The following TNFSF8 variants were observed in gnomAD, a reference collection of about 807,000 sequenced individuals.
The protein encoded by TNFSF8 is TNF superfamily member 8, also known as tumor necrosis factor ligand superfamily member 8.
In TNFSF8, 4 loss-of-function variants were observed where a neutral mutation model predicts 22.0. The ratio of observed to expected loss-of-function variants is 0.18; its 90% confidence interval spans 0.09 to 0.42. The LOEUF is 0.42. Ranked by LOEUF, TNFSF8 falls within the 10% of genes least tolerant of loss-of-function variation. The pLI, the probability that TNFSF8 is intolerant of heterozygous loss-of-function variation, is 1.00. For missense variants in TNFSF8, 233 were observed against 281.8 expected, an observed-to-expected ratio of 0.83 and a Z score of 1.24; for synonymous variants, 106 against 112.5, an observed-to-expected ratio of 0.94 and a Z score of 0.37.
chr9:114,929,667 G>C (rs1384177317), intron 1 of TNFSF8, among the ~76,000 whole-genome samples: 3 of 151,928 alleles, frequency 2.0e-5, no homozygotes, highest in Non-Finnish European at 4.4e-5. Flanking sequence ...GTGCAAATGT[G>C]TTATCAGGTT....
exon 5 of TNFSF8, chr9:114,893,789 C>T: frequency 6.0e-6 from 2 of 334,792 alleles, no homozygotes; most frequent in South Asian, 7.5e-5. Flanking sequence ...AATTGATGTT[C>T]ACACAGTCAT....
At chr9:114,916,883 A>G (rs1827925847) in intron 2 of TNFSF8, among the ~76,000 whole-genome samples, 1 of 152,210 alleles carries the variant, frequency 6.6e-6, no homozygotes, top group African/African-American at 2.4e-5. Flanking sequence ...CCTGCATTCT[A>G]CTATGCTCCT....
chr9:114,918,163 A>G (rs1159364400), intron 1 of TNFSF8, 25 bp from the exon 2 acceptor site: 1 of 1,599,892 alleles, frequency 6.3e-7, no homozygotes, highest in East Asian at 2.3e-5. Flanking sequence ...AGAAAAAAGC[A>G]GCATGAGGTG....
chr9:114,929,962 G>GTA lies in TNFSF8; in HGVS notation c.195+145_195+146dup, dbSNP rs369533969. ...ATTACGTTATACAGTATATACTATA[G>GTA]TATATATATATATATAGAGAGAGAG... On this transcript the variant is annotated intron_variant, in intron 1 of 3. Transcript: ENST00000223795. 6.3e-3 allele frequency: 1,665 copies of GTA among 265,930 alleles called. 4 individuals carry two copies. The highest frequency in any genetic ancestry group is 0.013 in the African/African-American group (572 of 42,796). 16.5% of individuals were successfully genotyped at this position (265,930 alleles called of 1,614,324 possible). A position where few individuals can be genotyped will look rare whatever the true frequency, so the allele number is the denominator to read the frequency against.
intron 1 of TNFSF8, among the ~76,000 whole-genome samples, chr9:114,922,160 T>C (rs1213096598): frequency 6.6e-6 from 1 of 152,236 alleles, no homozygotes. Flanking sequence ...TTGGTGTTAA[T>C]GATGTGCTTA....
At chr9:114,926,361 C>T (rs987281551) in intron 1 of TNFSF8, among the ~76,000 whole-genome samples, 2 of 152,052 alleles carry the variant, frequency 1.3e-5, no homozygotes, top group Admixed American at 1.3e-4. Context: ...ATCCGGGAGG[C>T]GGAGCTTGCA....
intron 1 of TNFSF8, among the ~76,000 whole-genome samples, chr9:114,923,268 G>A (rs568923134): frequency 1.1e-4 from 16 of 152,058 alleles, no homozygotes; most frequent in African/African-American, 3.6e-4. Context: ...TCCTCCTCCT[G>A]CCACCATCTT....
chr9:114,915,921 G>C (rs1025783729), intron 2 of TNFSF8, among the ~76,000 whole-genome samples: 1 of 152,164 alleles, frequency 6.6e-6, no homozygotes, highest in Non-Finnish European at 1.5e-5. Flanking sequence ...ACTGAGGTTG[G>C]TTTTGATTAC....
chr9:114,920,403 T>C (rs1483404610), intron 1 of TNFSF8, among the ~76,000 whole-genome samples: 2 of 152,168 alleles, frequency 1.3e-5, no homozygotes, highest in East Asian at 1.9e-4. Flanking sequence ...GCAGCACACC[T>C]TGAATGAGCA....
chr9:114,906,026 G>A, intron 2 of TNFSF8, 127 bp from the exon 3 acceptor site: 2 of 639,042 alleles, frequency 3.1e-6, no homozygotes, highest in South Asian at 2.0e-5. Context: ...AGAATAAGGA[G>A]AAAAGCTCTT....
At chr9:114,894,048 A>T (rs1262741660) in exon 5 of TNFSF8, 1 of 1,514,224 alleles carries the variant, frequency 6.6e-7, no homozygotes, top group African/African-American at 1.4e-5. Flanking sequence ...GGGTAGAAGC[A>T]GTTCTTGTCT....
At chr9:114,894,235 A>C (rs1827634138) in intron 4 of TNFSF8, 3 of 1,333,488 alleles carry the variant, frequency 2.2e-6, no homozygotes, top group African/African-American at 1.5e-5. Context: ...CGTTGTTGTT[A>C]CTCAGAAGCC....
In TNFSF8 at chr9:114,901,680, TG is replaced by T; in HGVS notation, c.*2250del. 2 of 985,446 alleles carry T rather than the reference TG, an allele frequency of 2.0e-6. No individual in the cohort carries two copies. The highest frequency in any genetic ancestry group is 2.4e-6 in the Non-Finnish European group (2 of 829,932). The allele number at this position is 985,446 out of a possible 1,614,324, so 61.0% of individuals were successfully genotyped here. On this transcript the variant is annotated 3_prime_UTR_variant, in exon 4 of 4. Transcript: ENST00000223795. ...TAGCCTTGAGTCTCAAAGTCTGTTT[TG>T]TTTTTTACCACAGACCATTTGGCTT...
intron 2 of TNFSF8, 92 bp downstream of exon 2, chr9:114,917,999 GTCATA>G: frequency 7.8e-7 from 1 of 1,275,580 alleles, no homozygotes; most frequent in Non-Finnish European, 1.1e-6. Flanking sequence ...GTTGGGTCAT[GTCATA>G]GAGTTGTTTC....
chr9:114,920,749 G>A (rs1471513902), intron 1 of TNFSF8, among the ~76,000 whole-genome samples: 2 of 152,018 alleles, frequency 1.3e-5, no homozygotes, highest in Non-Finnish European at 2.9e-5. Context: ...GCTCACTGTA[G>A]CCTCCATCTC....
At chr9:114,928,606 C>A (rs1463698131) in intron 1 of TNFSF8, among the ~76,000 whole-genome samples, 2 of 152,152 alleles carry the variant, frequency 1.3e-5, no homozygotes, top group African/African-American at 4.8e-5. Flanking sequence ...TTTTCTTTGG[C>A]CATTGCTATA....
At chr9:114,922,692 T>C (rs2131349156) in intron 1 of TNFSF8, among the ~76,000 whole-genome samples, 1 of 152,190 alleles carries the variant, frequency 6.6e-6, no homozygotes, top group African/African-American at 2.4e-5. Context: ...TGAAATTTCA[T>C]GGAAAAGTGA....
chr9:114,917,995 T>G (rs577763142), intron 2 of TNFSF8, 101 bp downstream of exon 2: 1 of 1,219,086 alleles, frequency 8.2e-7, no homozygotes, highest in Admixed American at 2.4e-5. Context: ...TACTGTTGGG[T>G]CATGTCATAG....
At chr9:114,905,300 C>T (rs1452738804) in intron 3 of TNFSF8, among the ~76,000 whole-genome samples, 1 of 152,186 alleles carries the variant, frequency 6.6e-6, no homozygotes, top group Non-Finnish European at 1.5e-5. Context: ...CCTCTTATTG[C>T]TTCATTTGTA....
Sources: gnomAD v4.1 joint callset for allele counts (sites outside exome capture counted in the v4.1 genomes callset) on GRCh38, gnomAD v4.1.1 for gene constraint, MANE v1.5 for transcripts, NCBI Gene and HGNC (gene_info 2026-07-23, HGNC 2026-07-21) for gene names.